PRICKLE1: variants seen among roughly 807,000 people sequenced by gnomAD.
The protein encoded by PRICKLE1 is prickle-like protein 1.
In PRICKLE1, 14 loss-of-function variants were observed where a neutral mutation model predicts 70.2. The observed-to-expected ratio is 0.20, with a 90% CI of 0.13 to 0.31. The LOEUF is 0.31. Among genes scored for constraint, PRICKLE1 ranks in the 10% least tolerant of loss-of-function variants. The pLI is 1.00. For synonymous variants in PRICKLE1, 357 were observed against 379.9 expected (o/e 0.94, Z 0.70); for missense variants, 821 against 1,026.2 (o/e 0.80, Z 2.73).
intron 1 of PRICKLE1, among the ~76,000 whole-genome samples, chr12:42,538,892 T>C (rs1362038518): frequency 1.3e-5 from 2 of 152,168 alleles, no homozygotes; most frequent in Non-Finnish European, 2.9e-5. Context: ...AGACATTAGG[T>C]CTTTTATCTA....
chr12:42,469,595 G>A lies in PRICKLE1; in HGVS notation c.247-8C>T. The A allele has an allele frequency of 6.2e-7, 1 of 1,613,780 alleles. No individual in the cohort carries two copies. The highest frequency in any genetic ancestry group is 1.3e-5 in the African/African-American group (1 of 74,872). ...AGACTGGCAATACCGTACCTTCACAGAAAGCAAAACAGAAACACCACACTG... is the reference window on the plus strand; with the variant it reads ...AGACTGGCAATACCGTACCTTCACAAAAAGCAAAACAGAAACACCACACTG... On this transcript the variant is annotated splice_region_variant and splice_polypyrimidine_tract_variant and intron_variant, in intron 3 of 7. Transcript: ENST00000345127.
At chr12:42,558,060 T>C (rs2120687076) in intron 1 of PRICKLE1, among the ~76,000 whole-genome samples, 1 of 152,284 alleles carries the variant, frequency 6.6e-6, no homozygotes, top group South Asian at 2.1e-4. Context: ...TTTATCTAGT[T>C]GTCTTTAAAA....
chr12:42,505,309 C>T (rs930285932), intron 1 of PRICKLE1, among the ~76,000 whole-genome samples: 3 of 152,200 alleles, frequency 2.0e-5, no homozygotes, highest in Non-Finnish European at 4.4e-5. Flanking sequence ...AAAGGTGGAA[C>T]AGTTTTGTCC....
chr12:42,529,731 C>T lies in PRICKLE1; in HGVS notation c.-48-57167G>A, dbSNP rs146568610. 3.3e-3 allele frequency among the ~76,000 whole-genome samples: 507 copies of T among 152,150 alleles called. 2 individuals carry two copies. The highest frequency in any genetic ancestry group is 0.012 in the African/African-American group (478 of 41,530). On this transcript the variant is annotated intron_variant, in intron 1 of 7. Transcript: ENST00000345127. Reference sequence around the variant, plus strand: ...CCAACGTGGTAAAACGCCATCTCTACTAAAAATACAAAAAATTAGCCAGGT... The same window carrying T: ...CCAACGTGGTAAAACGCCATCTCTATTAAAAATACAAAAAATTAGCCAGGT...
chr12:42,506,260 T>TG (rs1733654798), intron 1 of PRICKLE1, among the ~76,000 whole-genome samples: 1 of 5,656 alleles, frequency 1.8e-4, no homozygotes. Context: ...TCTTTCTTTC[T>TG]TTTTTTTTTT....
At chr12:42,485,582 T>A (rs896557) in intron 1 of PRICKLE1, 60,407 of 151,798 alleles carry the variant, frequency 0.4, 12,542 homozygotes, top group East Asian at 0.62. Context: ...AGGGAAGATT[T>A]CAGCTACCTA....
chr12:42,524,985 T>A (rs1939777515), intron 1 of PRICKLE1: 1 of 152,182 alleles, frequency 6.6e-6, no homozygotes. Context: ...GTCTTTTTTG[T>A]ATGCTAATGA....
At chr12:42,497,900 G>T (rs1026273208) in intron 1 of PRICKLE1, among the ~76,000 whole-genome samples, 1 of 152,038 alleles carries the variant, frequency 6.6e-6, no homozygotes, top group African/African-American at 2.4e-5. Flanking sequence ...CCCCACCCTG[G>T]ACACGACCGC....
At chr12:42,567,643 C>T (rs904854850) in intron 1 of PRICKLE1, among the ~76,000 whole-genome samples, 1 of 152,092 alleles carries the variant, frequency 6.6e-6, no homozygotes, top group African/African-American at 2.4e-5. Context: ...GCCTGGCCAA[C>T]ATGGTGAAAC....
At chr12:42,559,645 T>A (rs1004243308) in intron 1 of PRICKLE1, among the ~76,000 whole-genome samples, 1 of 70,278 alleles carries the variant, frequency 1.4e-5, no homozygotes. Context: ...TTGGGGGGGG[T>A]AGAGATGGGG....
At chr12:42,515,890 C>CA (rs1939602401) in intron 1 of PRICKLE1, among the ~76,000 whole-genome samples, 1 of 152,170 alleles carries the variant, frequency 6.6e-6, no homozygotes, top group African/African-American at 2.4e-5. Flanking sequence ...GTACACAGTA[C>CA]TTGGTAAGCC....
chr12:42,580,101 T>C (rs1013034519), intron 1 of PRICKLE1, among the ~76,000 whole-genome samples: 2 of 152,022 alleles, frequency 1.3e-5, no homozygotes, highest in Non-Finnish European at 2.9e-5. Flanking sequence ...TCTCGAACTC[T>C]TGGCCTCAAG....
chr12:42,550,688 C>G (rs1285048618), intron 1 of PRICKLE1, among the ~76,000 whole-genome samples: 1 of 152,126 alleles, frequency 6.6e-6, no homozygotes, highest in African/African-American at 2.4e-5. Flanking sequence ...CTTCCTACTA[C>G]AAAACAACAA....
intron 5 of PRICKLE1, 136 bp from the exon 6 acceptor site, chr12:42,466,516 T>TA (rs1938103896): frequency 4.0e-6 from 3 of 741,428 alleles, no homozygotes; most frequent in East Asian, 2.7e-5. Flanking sequence ...CCTTGTTTCT[T>TA]AGAGTCACAA....
chr12:42,504,769 C>G (rs1355824485), intron 1 of PRICKLE1, among the ~76,000 whole-genome samples: 6 of 152,172 alleles, frequency 3.9e-5, no homozygotes, highest in Non-Finnish European at 7.3e-5. Context: ...CCTGTCTCTG[C>G]TAATTTCTGG....
intron 1 of PRICKLE1, among the ~76,000 whole-genome samples, chr12:42,569,618 C>T (rs922776539): frequency 7.9e-5 from 12 of 152,142 alleles, no homozygotes; most frequent in Non-Finnish European, 1.2e-4. Flanking sequence ...ATAAGGAAAT[C>T]GATTGTACTG....
chr12:42,532,754 G>T lies in PRICKLE1; in HGVS notation c.-49+56711C>A, dbSNP rs899766110. Among the ~76,000 whole-genome samples the T allele has an allele frequency of 3.3e-5, 5 of 152,116 alleles. 1 individual carries two copies. The South Asian group carries it at 8.3e-4, about 25-fold the overall frequency. On this transcript the variant is annotated intron_variant, in intron 1 of 7. Coordinates refer to ENST00000345127, the MANE Select transcript of PRICKLE1 (RefSeq NM_153026.3). ...CTACTAAAAATACAAAAAATTAGCC[G>T]CACGCTGTGGCGGGCGCCTGTAGTC...
intron 1 of PRICKLE1, among the ~76,000 whole-genome samples, chr12:42,490,764 C>T (rs569109240): frequency 1.6e-4 from 24 of 152,318 alleles, no homozygotes; most frequent in African/African-American, 5.8e-4. Context: ...AGACAACCAA[C>T]AGCTTAGCCC....
chr12:42,573,030 A>T (rs920957661), intron 1 of PRICKLE1, among the ~76,000 whole-genome samples: 4 of 152,106 alleles, frequency 2.6e-5, no homozygotes, highest in Non-Finnish European at 5.9e-5. Flanking sequence ...ATTTTTTTTT[A>T]AATCAGTTAA....
Sources: gnomAD v4.1 joint callset for allele counts (sites outside exome capture counted in the v4.1 genomes callset) on GRCh38, gnomAD v4.1.1 for gene constraint, MANE v1.5 for transcripts, NCBI Gene and HGNC (gene_info 2026-07-23, HGNC 2026-07-21) for gene names.